CFAP43: variants seen among roughly 807,000 people sequenced by gnomAD.
CFAP43 encodes cilia- and flagella-associated protein 43.
CFAP43 carries 155 observed loss-of-function variants against 218.9 expected under a neutral mutation model. The ratio of observed to expected loss-of-function variants is 0.71; its 90% CI spans 0.62 to 0.81. The LOEUF (loss-of-function observed/expected upper bound fraction) is 0.81, where lower values mean the gene tolerates loss of function less well. CFAP43 is among the 30% of genes least tolerant of loss of function. CFAP43 has a pLI of 0.00. For synonymous variants in CFAP43, 645 were observed against 681.3 expected, an observed-to-expected ratio of 0.95 and a Z score of 0.83; for missense variants, 1,778 against 1,954.3, an observed-to-expected ratio of 0.91 and a Z score of 1.70.
rs2090248171 is a variant in CFAP43, at chr10:104,192,194, T to A, written c.1546+5A>T. ...TTTTAAATTAATCAGCATTCTATGT[T>A]GTACCTGTGAATCCAATAATCTGAA... On this transcript the variant is annotated splice_donor_5th_base_variant and intron_variant, in intron 12 of 37. Transcript: ENST00000357060. 6.3e-7 allele frequency: 1 copy of A among 1,596,406 alleles called. No homozygotes were observed. Among genetic ancestry groups the A allele is most frequent in the Non-Finnish European group, 8.6e-7 (1 of 1,166,874 alleles).
At chr10:104,212,185 T>C (rs1460236126) in intron 4 of CFAP43, 28 bp from the exon 5 acceptor site, 3 of 1,597,722 alleles carry the variant, frequency 1.9e-6, no homozygotes, top group South Asian at 1.1e-5. Context: ...ATCAGAACAA[T>C]GAGATGAACA....
rs562167359 is a variant in CFAP43 at position 104,212,030 on chromosome 10, C to A, written c.712G>T (p.Gly238Cys). 6.2e-7 allele frequency: 1 copy of A among 1,613,482 alleles called. No individual in the cohort carries two copies. Among genetic ancestry groups the A allele is most frequent in the African/African-American group, 1.3e-5 (1 of 75,024 alleles). The change falls in exon 5 of 38, where the codon GGC becomes TGC. Residue 238 changes from glycine to cysteine, a missense_variant. Physicochemically the swap from Gly to Cys is radical, Grantham distance 159 (BLOSUM62 -3). Around this residue, in one of 3 missense-constraint regions of CFAP43, gnomAD observed 1,553 missense variants for 1,685.2 expected, o/e 0.92. Transcript: ENST00000357060. Reference sequence around the variant, plus strand: ...ACCCGGAAAGTCTCTGCCTCTTTGCCTACCAGCCCGGCAATGGCTGACAGT... The same window carrying A: ...ACCCGGAAAGTCTCTGCCTCTTTGCATACCAGCCCGGCAATGGCTGACAGT... The part of the protein sequence containing the change: ...LPLSAIAGLV[G>C]KEAETFRPKD...
At chr10:104,194,622 T>C (rs1418332521) in intron 10 of CFAP43, among the ~76,000 whole-genome samples, 1 of 152,180 alleles carries the variant, frequency 6.6e-6, no homozygotes, top group African/African-American at 2.4e-5. Context: ...ATGTATTCAG[T>C]CACCAAAGAA....
intron 25 of CFAP43, 80 bp from the exon 26 acceptor site, chr10:104,162,121 C>A: frequency 3.5e-6 from 5 of 1,433,554 alleles, no homozygotes; most frequent in Non-Finnish European, 4.8e-6. Context: ...AGCTTCCCAC[C>A]CAACATTAGA....
At chr10:104,213,345 G>A (rs900384932) in intron 4 of CFAP43, among the ~76,000 whole-genome samples, 1 of 152,062 alleles carries the variant, frequency 6.6e-6, no homozygotes, top group Non-Finnish European at 1.5e-5. Flanking sequence ...TGACTTCATG[G>A]AGTACACTGA....
At chr10:104,141,060 A>G (rs943263967) in intron 33 of CFAP43, 59 bp from the exon 34 acceptor site, 7 of 1,488,560 alleles carry the variant, frequency 4.7e-6, no homozygotes, top group Non-Finnish European at 5.4e-6. Context: ...TTCACCTATT[A>G]TCTGAGAATA....
At position 104,232,326 on chromosome 10, in the gene CFAP43, G is replaced by GCAGCCCC; in HGVS notation, c.-81_-80insGGGGCTG. The GCAGCCCC allele has an allele frequency of 7.2e-7, 1 of 1,390,740 alleles. No individual in the cohort carries two copies. Among genetic ancestry groups the GCAGCCCC allele is most frequent in the Non-Finnish European group, 9.5e-7 (1 of 1,051,404 alleles). 86.1% of individuals were successfully genotyped at this position (1,390,740 alleles called of 1,614,324 possible). On this transcript the variant is annotated 5_prime_UTR_variant, in exon 1 of 38. Coordinates refer to ENST00000357060, the MANE Select transcript of CFAP43 (RefSeq NM_025145.7). ...GTCGGTTACCTTTCCGCCGCCGCGG[G>GCAGCCCC]GCTGCGGGCCGCGACGCCGCTGCTG...
chr10:104,143,428 T>G lies in CFAP43; in HGVS notation c.4156A>C (p.Lys1386Gln). 6.2e-7 allele frequency: 1 copy of G among 1,613,508 alleles called. No homozygotes were observed. The change falls in exon 32 of 38, where the codon AAA (lysine) becomes CAA (glutamine). Residue 1386 changes from lysine to glutamine, a missense_variant and splice_region_variant. This residue lies in a region of CFAP43 where 1,553 missense variants were observed against 1,685.2 expected (regional missense o/e 0.92). Coordinates refer to ENST00000357060, the MANE Select transcript of CFAP43 (RefSeq NM_025145.7). ...TRRAKVENEQKVKQKAADLLE... is the reference protein window; with the variant it reads ...TRRAKVENEQQVKQKAADLLE... ...AATTAAGTTAAAATAGTATATACTT[T>G]CTGTTCATTTTCCACTTTTGCTCGT...
chr10:104,166,743 G>T, intron 22 of CFAP43, 25 bp from the exon 23 acceptor site: 1 of 1,562,362 alleles, frequency 6.4e-7, no homozygotes. Context: ...AGATGACACA[G>T]AAGTTATGCA....
Position 104,193,979 on chromosome 10 carries a change from AGAGAGGGAGG to A in CFAP43, c.1319_1328del (p.Ser440LeufsTer48). The A allele has an allele frequency of 6.2e-7, 1 of 1,614,028 alleles. No homozygotes were observed. The highest frequency in any genetic ancestry group is 8.5e-7 in the Non-Finnish European group (1 of 1,180,016). On this transcript the variant is annotated frameshift_variant, in exon 11 of 38. Transcript: ENST00000357060. LOFTEE classifies it high-confidence loss of function. ...AGCCATCCTCCGTGCCCACGGCTGC[AGAGAGGGAGG>A]ATGGACAGCAAGCCAGAACCGTTGC...
chr10:104,163,964 C>T (rs2089014764), intron 24 of CFAP43, 130 bp downstream of exon 24: 3 of 834,256 alleles, frequency 3.6e-6, no homozygotes, highest in Admixed American at 2.8e-5. Flanking sequence ...TACATCATGT[C>T]TTTCTGTTAC....
intron 10 of CFAP43, among the ~76,000 whole-genome samples, chr10:104,196,106 A>T (rs1431913245): frequency 1.3e-5 from 2 of 152,190 alleles, no homozygotes; most frequent in African/African-American, 2.4e-5. Flanking sequence ...TGACAGTATG[A>T]TGTGAGGTTG....
At chr10:104,184,614 C>A (rs2089971232) in intron 16 of CFAP43, among the ~76,000 whole-genome samples, 1 of 152,098 alleles carries the variant, frequency 6.6e-6, no homozygotes, top group Admixed American at 6.6e-5. Flanking sequence ...CCCCAACCAC[C>A]TCCTCTAGTG....
At chr10:104,198,915 T>C (rs1179719617) in intron 8 of CFAP43, among the ~76,000 whole-genome samples, 1 of 151,938 alleles carries the variant, frequency 6.6e-6, no homozygotes, top group Non-Finnish European at 1.5e-5. Flanking sequence ...CCTCCCAAAG[T>C]GCTGGGATTA....
Position 104,172,531 on chromosome 10 carries a change from A to G in CFAP43, c.2465T>C (p.Leu822Pro). The G allele has an allele frequency of 1.3e-6, 2 of 1,592,182 alleles. No homozygotes were observed. The highest frequency in any genetic ancestry group is 1.7e-6 in the Non-Finnish European group (2 of 1,173,106). ...QGIKSLSKTI[L>P]NMMEENDKLE... ...TTTGTCATTTTCTTCCATCATATTC[A>G]GAATCTGAATGTTGAAATAAAAAAG... Residue 822 changes from leucine to proline, a missense_variant, in exon 20 of 38, where the codon CTG becomes CCG. This residue lies in a region of CFAP43 where 1,553 missense variants were observed against 1,685.2 expected (regional missense o/e 0.92). Transcript: ENST00000357060.
intron 32 of CFAP43, 114 bp from the exon 33 acceptor site, chr10:104,142,507 A>C (rs2087754792): frequency 1.6e-6 from 1 of 628,956 alleles, no homozygotes; most frequent in Non-Finnish European, 2.6e-6. Flanking sequence ...TTTCGAAGAA[A>C]GTAATAAAAC....
intron 27 of CFAP43, among the ~76,000 whole-genome samples, chr10:104,160,569 C>A (rs777650359): frequency 6.6e-6 from 1 of 152,200 alleles, no homozygotes; most frequent in Non-Finnish European, 1.5e-5. Flanking sequence ...AGCAGAACTG[C>A]ACTGTAAAAA....
intron 31 of CFAP43, among the ~76,000 whole-genome samples, chr10:104,144,958 A>C (rs2134756597): frequency 6.6e-6 from 1 of 152,362 alleles, no homozygotes; most frequent in Non-Finnish European, 1.5e-5. Context: ...ATAAGTTTGG[A>C]AAACGCTGCT....
intron 1 of CFAP43, 45 bp from the exon 2 acceptor site, chr10:104,230,888 A>G (rs777473193): frequency 2.0e-6 from 3 of 1,495,430 alleles, no homozygotes; most frequent in Admixed American, 4.6e-5. Context: ...CATTTCAAAT[A>G]CTTTTTTTTT....
Sources: gnomAD v4.1 joint callset for allele counts (sites outside exome capture counted in the v4.1 genomes callset) on GRCh38, gnomAD v4.1.1 for gene constraint, gnomAD v4.1.1 regional missense constraint, MANE v1.5 for transcripts, NCBI Gene and HGNC (gene_info 2026-07-23, HGNC 2026-07-21) for gene names.